The following DCHS2 variants were observed in gnomAD, a reference collection of about 807,000 sequenced individuals.
DCHS2 encodes the protein protocadherin-23.
In DCHS2, 142 loss-of-function variants were observed where a neutral mutation model predicts 182.4. That is an observed-to-expected ratio of 0.78 (90% CI 0.68 to 0.89). The LOEUF (loss-of-function observed/expected upper bound fraction) is 0.89, where lower values mean the gene tolerates loss of function less well. Ranked by LOEUF, DCHS2 falls within the 40% of genes least tolerant of loss-of-function variation. DCHS2 has a pLI of 0.00. For missense variants in DCHS2, 4,319 were observed against 4,198.6 expected (o/e 1.03, Z -0.79); for synonymous variants, 1,740 against 1,663.3 (o/e 1.05, Z -1.12).
rs753322014 is a variant in DCHS2 at position 154,335,116 on chromosome 4, A to G, written c.2477-12T>C. On this transcript the variant is annotated splice_polypyrimidine_tract_variant and intron_variant, in intron 3 of 19. Transcript: ENST00000357232. ...TAAGTAAATAATTCCTGGGTAGGGA[A>G]AAGAAAACATTGGTAAACAGATAAC... is the stretch of plus-strand genomic sequence containing the variant. The G allele has an allele frequency of 2.6e-6, 4 of 1,519,386 alleles. No homozygotes were observed. Among genetic ancestry groups the G allele is most frequent in the Admixed American group, 1.7e-5 (1 of 59,904 alleles). 94.1% of individuals were successfully genotyped at this position (1,519,386 alleles called of 1,614,324 possible).
At chr4:154,480,703 C>T (rs1735887044) in intron 1 of DCHS2, among the ~76,000 whole-genome samples, 1 of 152,112 alleles carries the variant, frequency 6.6e-6, no homozygotes, top group Non-Finnish European at 1.5e-5. Context: ...AAACAATTTA[C>T]TTGATTTCAT....
At chr4:154,454,281 T>C (rs1336754277) in intron 1 of DCHS2, among the ~76,000 whole-genome samples, 2 of 152,136 alleles carry the variant, frequency 1.3e-5, no homozygotes, top group African/African-American at 2.4e-5. Context: ...TATCTCTCTA[T>C]CACCCAGGCT....
intron 16 of DCHS2, among the ~76,000 whole-genome samples, chr4:154,247,245 G>A (rs1020868739): frequency 7.2e-5 from 11 of 152,290 alleles, no homozygotes; most frequent in South Asian, 2.1e-4. Context: ...GGGAGGCTGA[G>A]GCGGGTGGAT....
intron 14 of DCHS2, chr4:154,262,199 A>AT: frequency 6.6e-6 from 1 of 152,292 alleles, no homozygotes; most frequent in East Asian, 1.9e-4. Flanking sequence ...GATAATTGGA[A>AT]TTTTGCACTT....
chr4:154,239,276 C>A lies in DCHS2; in HGVS notation c.7386G>T (p.Val2462=). 2 of 1,613,122 alleles carry A rather than the reference C, an allele frequency of 1.2e-6. No homozygotes were observed. The highest frequency in any genetic ancestry group is 1.1e-5 in the South Asian group (1 of 90,998). Residue 2462 remains valine, a synonymous_variant, in exon 19 of 20, where the codon GTG becomes GTT. Transcript: ENST00000357232. ...CTGACAGAGTCAGCACTGAATACCC[C>A]ACAGGTATTGATTCAGGAACTGTGA... The part of the protein sequence containing the change: ...YQVTVPESIP[V]GYSVLTLSAT...
chr4:154,301,020 C>T (rs1346066605), intron 12 of DCHS2, among the ~76,000 whole-genome samples: 1 of 152,134 alleles, frequency 6.6e-6, no homozygotes, highest in Non-Finnish European at 1.5e-5. Context: ...TTTAAATATC[C>T]TTATTCCTAA....
intron 2 of DCHS2, among the ~76,000 whole-genome samples, chr4:154,376,290 G>T (rs971341729): frequency 6.6e-6 from 1 of 152,032 alleles, no homozygotes; most frequent in East Asian, 1.9e-4. Context: ...CAAACTGAAG[G>T]TGCCTTCACT....
chr4:154,440,977 A>T (rs1282731213), intron 1 of DCHS2, among the ~76,000 whole-genome samples: 1 of 152,190 alleles, frequency 6.6e-6, no homozygotes, highest in African/African-American at 2.4e-5. Context: ...CATATATCTC[A>T]CCAGTAAGTT....
rs1439690642 is a variant in DCHS2, at chr4:154,240,647, C to G, written c.7249G>C (p.Glu2417Gln). ...TLDFEEMTEY[E>Q]LLIQISDSVH... is the part of the protein sequence containing the mutation. Reference sequence around the variant, plus strand: ...GAATCAGAAATTTGGATGAGCAGCTCATATTCAGTCATTTCTTCAAAATCC... The same window carrying G: ...GAATCAGAAATTTGGATGAGCAGCTGATATTCAGTCATTTCTTCAAAATCC... Residue 2417 changes from glutamate to glutamine, a missense_variant, in exon 18 of 20, where the codon GAG becomes CAG. Glu to Gln is a conservative substitution (Grantham distance 29). Coordinates refer to ENST00000357232, the MANE Select transcript of DCHS2 (RefSeq NM_001358235.2). The G allele has an allele frequency of 1.2e-6, 2 of 1,613,966 alleles. No homozygotes were observed. The highest frequency in any genetic ancestry group is 3.3e-5 in the Admixed American group (2 of 60,000).
At position 154,301,085 on chromosome 4, in the gene DCHS2, C is replaced by T. The variant is rs570369022; in HGVS notation, c.5606-2377G>A. 2.4e-4 allele frequency among the ~76,000 whole-genome samples: 36 copies of T among 152,298 alleles called. 1 individual carries two copies. Among genetic ancestry groups the T allele is most frequent in the Middle Eastern group, 6.8e-3 (2 of 294 alleles). ...TCATGGAATTTATCTTTCCCACATT[C>T]ACCTTTATAAGCACTCTTCTTGCAA... On this transcript the variant is annotated intron_variant, in intron 12 of 19. Transcript: ENST00000357232.
chr4:154,275,712 C>G (rs1185949858), intron 13 of DCHS2, among the ~76,000 whole-genome samples: 1 of 152,100 alleles, frequency 6.6e-6, no homozygotes, highest in East Asian at 1.9e-4. Flanking sequence ...AAAGAAACAG[C>G]TATGCCAACA....
intron 1 of DCHS2, among the ~76,000 whole-genome samples, chr4:154,418,768 A>G (rs1344447779): frequency 1.3e-5 from 2 of 152,236 alleles, no homozygotes; most frequent in Non-Finnish European, 2.9e-5. Flanking sequence ...TTCAATATGT[A>G]ATTATGTAGG....
At chr4:154,310,355 G>T (rs545138923) in intron 10 of DCHS2, among the ~76,000 whole-genome samples, 57 of 152,320 alleles carry the variant, frequency 3.7e-4, no homozygotes, top group South Asian at 2.5e-3. Flanking sequence ...TTAGCCCATA[G>T]AGCTGTGTCT....
At chr4:154,242,553 C>T (rs1731875552) in intron 17 of DCHS2, 89 bp downstream of exon 17, 3 of 1,463,782 alleles carry the variant, frequency 2.0e-6, no homozygotes, top group East Asian at 2.5e-5. Context: ...AGGATTAGCA[C>T]TCATGTTAAT....
intron 13 of DCHS2, among the ~76,000 whole-genome samples, chr4:154,293,707 C>T (rs1423400049): frequency 6.6e-6 from 1 of 152,190 alleles, no homozygotes; most frequent in Non-Finnish European, 1.5e-5. Flanking sequence ...CCAGGGTACA[C>T]TCCACACAGC....
chr4:154,343,602 G>T, intron 3 of DCHS2: 1 of 1,517,808 alleles, frequency 6.6e-7, no homozygotes, highest in Non-Finnish European at 8.8e-7. Flanking sequence ...ACCTCTGCTA[G>T]CTTCAAATTT....
At chr4:154,453,165 C>T (rs943858569) in intron 1 of DCHS2, among the ~76,000 whole-genome samples, 2 of 151,958 alleles carry the variant, frequency 1.3e-5, no homozygotes, top group Admixed American at 6.6e-5. Flanking sequence ...AGGCCCACAT[C>T]CAGCTGGAGC....
At chr4:154,297,269 G>A (rs999998046) in intron 13 of DCHS2, among the ~76,000 whole-genome samples, 3 of 152,112 alleles carry the variant, frequency 2.0e-5, no homozygotes, top group Non-Finnish European at 4.4e-5. Context: ...CTTTTAGTTC[G>A]CCTCTCAATT....
chr4:154,309,482 A>G (rs1735588210), intron 10 of DCHS2, among the ~76,000 whole-genome samples: 1 of 152,086 alleles, frequency 6.6e-6, no homozygotes. Flanking sequence ...TAATCCAAAC[A>G]TCTTCTTCTT....
Sources: gnomAD v4.1 joint callset for allele counts (sites outside exome capture counted in the v4.1 genomes callset) on GRCh38, gnomAD v4.1.1 for gene constraint, MANE v1.5 for transcripts, NCBI Gene and HGNC (gene_info 2026-07-23, HGNC 2026-07-21) for gene names.